Variants in CELF2 observed in about 807,000 individuals in gnomAD.
CELF2 encodes the protein CUGBP Elav-like family member 2, also known as CUG triplet repeat RNA-binding protein 2.
CELF2 carries 8 observed loss-of-function variants against 62.6 expected under a neutral mutation model. That is an observed-to-expected ratio of 0.13 (90% CI 0.07 to 0.23). The LOEUF (loss-of-function observed/expected upper bound fraction) is 0.23. Among genes scored for constraint, CELF2 ranks in the 10% least tolerant of loss-of-function variants. The probability of loss-of-function intolerance (pLI) is 1.00; values close to 1 mark genes in which losing one functional copy is unlikely to be tolerated. For synonymous variants in CELF2, 258 were observed against 250.0 expected (o/e 1.03, Z -0.30); for missense variants, 333 against 671.0 (o/e 0.50, Z 5.56).
intron 9 of CELF2, among the ~76,000 whole-genome samples, chr10:11,289,793 T>A (rs1469724033): frequency 2.0e-5 from 3 of 152,244 alleles, no homozygotes; most frequent in Admixed American, 1.3e-4. Context: ...GTGCAACACA[T>A]CAACTTACTT....
At chr10:10,924,450 A>G (rs2065253376) in intron 2 of CELF2, among the ~76,000 whole-genome samples, 1 of 152,198 alleles carries the variant, frequency 6.6e-6, no homozygotes, top group South Asian at 2.1e-4. Flanking sequence ...AGTTTAGAAA[A>G]TGAAGGGATA....
chr10:11,044,681 A>G (rs2062494665), intron 1 of CELF2, among the ~76,000 whole-genome samples: 1 of 152,224 alleles, frequency 6.6e-6, no homozygotes, highest in African/African-American at 2.4e-5. Flanking sequence ...CAAGTACACG[A>G]TAATAGCCTT....
chr10:10,687,369 C>G, the CELF2 span, among the ~76,000 whole-genome samples: 4 of 152,078 alleles, frequency 2.6e-5, no homozygotes, highest in South Asian at 2.1e-4. Flanking sequence ...TAAATGGGAA[C>G]CTGGGATCTC....
At chr10:10,910,699 C>CAA (rs55954207) in intron 1 of CELF2, among the ~76,000 whole-genome samples, 2,739 of 91,756 alleles carry the variant, frequency 0.03, 157 homozygotes, top group Admixed American at 0.11. Context: ...GACTCTGCCT[C>CAA]AAAAAAAAAA....
At chr10:11,201,046 T>G (rs2059109947) in intron 2 of CELF2, among the ~76,000 whole-genome samples, 1 of 152,224 alleles carries the variant, frequency 6.6e-6, no homozygotes, top group African/African-American at 2.4e-5. Flanking sequence ...TGGCTTTGTC[T>G]ACCTGACTTC....
chr10:11,084,674 C>T (rs2074945539), intron 1 of CELF2, among the ~76,000 whole-genome samples: 1 of 151,952 alleles, frequency 6.6e-6, no homozygotes, highest in African/African-American at 2.4e-5. Context: ...TTTAAAAAAA[C>T]TAGTCAATTT....
chr10:10,752,619 G>A, the CELF2 span, among the ~76,000 whole-genome samples: 1 of 147,830 alleles, frequency 6.8e-6, no homozygotes, highest in Admixed American at 6.9e-5. Context: ...GAACCCGGGA[G>A]GTGGAGGTTG....
At chr10:11,061,511 G>T (rs144421633) in intron 1 of CELF2, among the ~76,000 whole-genome samples, 1 of 152,222 alleles carries the variant, frequency 6.6e-6, no homozygotes, top group Admixed American at 6.5e-5. Flanking sequence ...ATTGATGAAG[G>T]TGGCAACACT....
intron 2 of CELF2, among the ~76,000 whole-genome samples, chr10:10,935,654 C>A (rs1337277434): frequency 1.3e-5 from 2 of 152,116 alleles, no homozygotes; most frequent in Non-Finnish European, 2.9e-5. Context: ...AAAGAACAAT[C>A]CTACTTTATA....
At chr10:10,506,404 G>A in the CELF2 span, among the ~76,000 whole-genome samples, 1 of 151,870 alleles carries the variant, frequency 6.6e-6, no homozygotes, top group Non-Finnish European at 1.5e-5. Context: ...TCCTAAAAAG[G>A]CTAATATTTA....
At chr10:10,779,858 T>TA in the CELF2 span, among the ~76,000 whole-genome samples, 5,599 of 144,164 alleles carry the variant, frequency 0.039, 330 homozygotes, top group African/African-American at 0.13. Context: ...TGAAAGCTAT[T>TA]AAAAAAAAAA....
chr10:10,985,919 T>C (rs2052696475), intron 2 of CELF2, among the ~76,000 whole-genome samples: 2 of 152,222 alleles, frequency 1.3e-5, no homozygotes, highest in South Asian at 4.1e-4. Context: ...ATGTGGGCTA[T>C]GTTTGTAAAA....
At chr10:11,089,715 T>C (rs952390715) in intron 1 of CELF2, among the ~76,000 whole-genome samples, 4 of 152,120 alleles carry the variant, frequency 2.6e-5, no homozygotes, top group Admixed American at 1.3e-4. Flanking sequence ...CTACCAAAAA[T>C]ATACATGCCC....
At chr10:10,551,337 TG>T in the CELF2 span, among the ~76,000 whole-genome samples, 1 of 151,890 alleles carries the variant, frequency 6.6e-6, no homozygotes, top group South Asian at 2.1e-4. Flanking sequence ...ACTAACCAGG[TG>T]TACCCCGGGG....
chr10:11,098,670 A>G lies in CELF2; in HGVS notation c.75-66816A>G, dbSNP rs1467091302. Among the ~76,000 whole-genome samples the G allele has an allele frequency of 2.0e-5, 3 of 152,208 alleles. No individual in the cohort carries two copies. Among genetic ancestry groups the G allele is most frequent in the South Asian group, 2.1e-4 (1 of 4,824 alleles). On this transcript the variant is annotated intron_variant, in intron 1 of 12. Transcript: ENST00000633077. The surrounding 1 kb of genome is among the most constrained non-coding windows in gnomAD (Gnocchi z 4.0). Reference sequence around the variant, plus strand: ...ATAAGTATAAATGTGTCATGAGCACACTGTTTTCTCTGTAGAAATAACAAA... The same window carrying G: ...ATAAGTATAAATGTGTCATGAGCACGCTGTTTTCTCTGTAGAAATAACAAA...
At chr10:10,775,465 A>G in the CELF2 span, among the ~76,000 whole-genome samples, 1 of 152,136 alleles carries the variant, frequency 6.6e-6, no homozygotes, top group African/African-American at 2.4e-5. Flanking sequence ...CCCAGTCTCT[A>G]CTAAAACTAC....
At position 11,333,964 on chromosome 10, in the gene CELF2, G is replaced by T. The variant is rs1007720710; in HGVS notation, c.*4911G>T. On this transcript the variant is annotated 3_prime_UTR_variant, in exon 13 of 13. Coordinates refer to ENST00000633077, the MANE Select transcript of CELF2 (RefSeq NM_001326342.2). ...ATGACTGATTTCAAGTTTGATTTCG[G>T]GTTGATTGATTGATTGATTGATAGA... 8.3e-5 allele frequency: 11 copies of T among 132,094 alleles called. No homozygotes were observed. Among genetic ancestry groups the T allele is most frequent in the Non-Finnish European group, 1.6e-4 (10 of 62,598 alleles). 8.2% of individuals were successfully genotyped at this position (132,094 alleles called of 1,614,324 possible).
chr10:10,951,126 G>A (rs1032946089), intron 2 of CELF2, among the ~76,000 whole-genome samples: 4 of 152,150 alleles, frequency 2.6e-5, no homozygotes, highest in African/African-American at 7.2e-5. Context: ...CAAACCACTC[G>A]GAACTCAACT....
chr10:11,204,661 C>A (rs1226459181), intron 2 of CELF2, among the ~76,000 whole-genome samples: 1 of 152,212 alleles, frequency 6.6e-6, no homozygotes, highest in African/African-American at 2.4e-5. Context: ...GCAGTGATCT[C>A]CTGCGCTTGA....
Sources: allele counts gnomAD v4.1 joint callset (sites outside exome capture counted in the v4.1 genomes callset), GRCh38; gene constraint gnomAD v4.1.1; non-coding constraint Gnocchi (gnomAD v3.1); transcripts MANE v1.5; gene names NCBI Gene and HGNC (gene_info 2026-07-23, HGNC 2026-07-21).